The following PDE4D variants were observed in gnomAD, a reference collection of about 807,000 sequenced individuals.
PDE4D encodes phosphodiesterase 4D.
PDE4D carries 24 observed loss-of-function variants against 87.4 expected under a neutral mutation model. The ratio of observed to expected loss-of-function variants is 0.27; its 90% confidence interval spans 0.20 to 0.39. The LOEUF (loss-of-function observed/expected upper bound fraction) is 0.39, where lower values mean the gene tolerates loss of function less well. Ranked by LOEUF, PDE4D falls within the 10% of genes least tolerant of loss-of-function variation. The probability of loss-of-function intolerance (pLI) is 1.00; values close to 1 mark genes in which losing one functional copy is unlikely to be tolerated. For synonymous variants in PDE4D, 384 were observed against 383.2 expected (o/e 1.00, Z -0.02); for missense variants, 714 against 1,041.0 (o/e 0.69, Z 4.32).
chr5:59,898,112 G>A (rs1751857480), upstream of PDE4D, among the ~76,000 whole-genome samples: 1 of 152,142 alleles, frequency 6.6e-6, no homozygotes. Context: ...CAATTAATAT[G>A]AAACTAAGAA....
intron 1 of PDE4D, among the ~76,000 whole-genome samples, chr5:59,748,844 CACAA>C (rs777154950): frequency 6.6e-6 from 1 of 152,184 alleles, no homozygotes; most frequent in East Asian, 1.9e-4. Flanking sequence ...TTTGGAGAAG[CACAA>C]ACAGTGAGGA....
chr5:60,069,209 C>A (rs1050034284), intron 2 of PDE4D, among the ~76,000 whole-genome samples: 1 of 152,112 alleles, frequency 6.6e-6, no homozygotes, highest in Non-Finnish European at 1.5e-5. Context: ...ATCTTTGTCT[C>A]CCTAAATCTA....
chr5:59,678,803 C>T (rs1452438168), intron 1 of PDE4D, among the ~76,000 whole-genome samples: 2 of 152,110 alleles, frequency 1.3e-5, no homozygotes, highest in Non-Finnish European at 2.9e-5. Context: ...CTATTATCAA[C>T]TCATTGACGG....
At chr5:59,678,572 TCTC>T in intron 1 of PDE4D, among the ~76,000 whole-genome samples, 1 of 152,222 alleles carries the variant, frequency 6.6e-6, no homozygotes, top group African/African-American at 2.4e-5. Flanking sequence ...TTCAAGCACT[TCTC>T]CTGCCTCAGG....
chr5:59,632,249 G>A (rs922286475), intron 1 of PDE4D, among the ~76,000 whole-genome samples: 1 of 152,174 alleles, frequency 6.6e-6, no homozygotes, highest in Non-Finnish European at 1.5e-5. Context: ...CCAGTCAGGG[G>A]CTTACAGATA....
At chr5:60,218,494 G>A (rs1744124397) in intron 1 of PDE4D, among the ~76,000 whole-genome samples, 1 of 151,148 alleles carries the variant, frequency 6.6e-6, no homozygotes, top group African/African-American at 2.4e-5. Flanking sequence ...TCCTATCTGT[G>A]TATTATACCT....
At chr5:60,417,458 T>C (rs774908618) in intron 1 of PDE4D, among the ~76,000 whole-genome samples, 8 of 152,254 alleles carry the variant, frequency 5.3e-5, no homozygotes, top group Non-Finnish European at 8.8e-5. Flanking sequence ...TAGTACCAGT[T>C]AATACATTCT....
At chr5:59,208,038 G>T (rs1261149172) in intron 2 of PDE4D, among the ~76,000 whole-genome samples, 1 of 151,754 alleles carries the variant, frequency 6.6e-6, no homozygotes, top group Non-Finnish European at 1.5e-5. Flanking sequence ...ACGGTGGCAG[G>T]TACCTGTAAT....
chr5:59,744,057 G>C (rs1433100981), intron 1 of PDE4D, among the ~76,000 whole-genome samples: 1 of 152,132 alleles, frequency 6.6e-6, no homozygotes, highest in African/African-American at 2.4e-5. Context: ...TTAACCAATA[G>C]TTCCTCACTC....
chr5:60,474,151 A>ATATAG (rs1748124819), intron 1 of PDE4D, among the ~76,000 whole-genome samples: 1 of 32,668 alleles, frequency 3.1e-5, no homozygotes, highest in Non-Finnish European at 5.5e-5. Context: ...TATATATATA[A>ATATAG]CAAAAACCTT....
At chr5:59,703,536 G>T in intron 1 of PDE4D, 1 of 532,836 alleles carries the variant, frequency 1.9e-6, no homozygotes, top group Non-Finnish European at 3.9e-6. Context: ...ACTTGAGAAG[G>T]AATTTTCCCT....
intron 2 of PDE4D, among the ~76,000 whole-genome samples, chr5:60,045,140 T>C (rs1412062350): frequency 1.3e-5 from 2 of 152,102 alleles, no homozygotes; most frequent in African/African-American, 2.4e-5. Flanking sequence ...TTTTCATGTG[T>C]TTTTTGGCTG....
intron 1 of PDE4D, among the ~76,000 whole-genome samples, chr5:59,415,316 G>A (rs1022429613): frequency 3.3e-5 from 5 of 152,174 alleles, no homozygotes; most frequent in African/African-American, 1.2e-4. Context: ...GGTGTGCTCA[G>A]GTGAGGAAAC....
At chr5:59,068,962 T>G (rs1215105598) in intron 5 of PDE4D, among the ~76,000 whole-genome samples, 1 of 152,238 alleles carries the variant, frequency 6.6e-6, no homozygotes, top group Non-Finnish European at 1.5e-5. Flanking sequence ...CATTTCAACT[T>G]GACCTGGAAG....
intron 1 of PDE4D, among the ~76,000 whole-genome samples, chr5:60,517,514 G>A (rs907044719): frequency 1.3e-5 from 2 of 152,190 alleles, no homozygotes; most frequent in Non-Finnish European, 2.9e-5. Context: ...AAAACTCCCT[G>A]GACTCAGCCA....
rs140444785 is a variant in PDE4D at position 60,460,836 on chromosome 5, C to T, written c.-90+27106G>A. 210 of 481,576 alleles carry T rather than the reference C, an allele frequency of 4.4e-4. No homozygotes were observed. In the East Asian group the frequency reaches 5.9e-3, roughly 14 times the overall value. 29.8% of individuals were successfully genotyped at this position (481,576 alleles called of 1,614,324 possible). Reference sequence around the variant, plus strand: ...ATAAGATTTATTGGTTAAAATTGAGCAATAACACATGGGTATTTGAAGGAT... The same window carrying T: ...ATAAGATTTATTGGTTAAAATTGAGTAATAACACATGGGTATTTGAAGGAT... On this transcript the variant is annotated intron_variant, in intron 1 of 16. Coordinates refer to the PDE4D transcript ENST00000502484.
At chr5:60,128,810 C>A (rs1431539765) in intron 2 of PDE4D, among the ~76,000 whole-genome samples, 4 of 152,140 alleles carry the variant, frequency 2.6e-5, no homozygotes, top group Admixed American at 2.6e-4. Flanking sequence ...CACTAGTGAA[C>A]CATATTTCTA....
chr5:59,772,505 T>C (rs1581036417), intron 1 of PDE4D, among the ~76,000 whole-genome samples: 1 of 152,238 alleles, frequency 6.6e-6, no homozygotes, highest in East Asian at 1.9e-4. Flanking sequence ...TTTAGATTAT[T>C]TGGAATCCTT....
intron 1 of PDE4D, among the ~76,000 whole-genome samples, chr5:59,646,395 G>A (rs1410257662): frequency 6.6e-6 from 1 of 152,156 alleles, no homozygotes; most frequent in Non-Finnish European, 1.5e-5. Context: ...AGCATTTTAA[G>A]GGACTGATTC....
Sources: gnomAD v4.1 joint callset for allele counts (sites outside exome capture counted in the v4.1 genomes callset) on GRCh38, gnomAD v4.1.1 for gene constraint, MANE v1.5 for transcripts, NCBI Gene and HGNC (gene_info 2026-07-23, HGNC 2026-07-21) for gene names.